MEIS2: variants seen among roughly 807,000 people sequenced by gnomAD.
MEIS2 encodes homeobox protein Meis2.
In MEIS2, 9 loss-of-function variants were observed where a neutral mutation model predicts 58.6. That is an observed-to-expected ratio of 0.15 (90% confidence interval 0.09 to 0.27). The LOEUF (loss-of-function observed/expected upper bound fraction) is 0.27, where lower values mean the gene tolerates loss of function less well. MEIS2 is among the 10% of genes least tolerant of loss of function. The pLI, the probability that MEIS2 is intolerant of heterozygous loss-of-function variation, is 1.00. For synonymous variants in MEIS2, 221 were observed against 228.4 expected (o/e 0.97, Z 0.29); for missense variants, 427 against 635.0 (o/e 0.67, Z 3.52).
intron 8 of MEIS2, among the ~76,000 whole-genome samples, chr15:36,995,276 C>T (rs1440909085): frequency 6.6e-6 from 1 of 152,186 alleles, no homozygotes; most frequent in Admixed American, 6.5e-5. Flanking sequence ...TAAACATTTT[C>T]ATGCATTCCC....
rs1429889725 is a variant in MEIS2, at chr15:37,093,737, C to G, written c.490-7G>C. 4 of 1,613,706 alleles carry G rather than the reference C, an allele frequency of 2.5e-6. No individual in the cohort carries two copies. Among genetic ancestry groups the G allele is most frequent in the Admixed American group, 1.7e-5 (1 of 60,008 alleles). ...TATCGCACAGTTCGTGGACCTAGAA[C>G]GAAGGTCATGGTGGAGGGTTTAGCT... is the stretch of plus-strand genomic sequence containing the variant. On this transcript the variant is annotated splice_polypyrimidine_tract_variant and splice_region_variant and intron_variant, in intron 5 of 11. Coordinates refer to ENST00000561208, the MANE Select transcript of MEIS2 (RefSeq NM_170675.5).
intron 9 of MEIS2, among the ~76,000 whole-genome samples, chr15:36,938,957 T>C (rs1332620043): frequency 6.6e-6 from 1 of 152,188 alleles, no homozygotes; most frequent in Admixed American, 6.5e-5. Context: ...CCGCTGCAGC[T>C]CTGTGGACAG....
intron 8 of MEIS2, among the ~76,000 whole-genome samples, chr15:36,995,979 A>ATG (rs1204930275): frequency 1.4e-4 from 11 of 79,696 alleles, no homozygotes; most frequent in East Asian, 1.5e-3. Flanking sequence ...ATATATATAT[A>ATG]TATATATATA....
intron 1 of MEIS2, chr15:37,098,929 T>A: frequency 1.0e-6 from 1 of 985,588 alleles, no homozygotes; most frequent in Non-Finnish European, 1.2e-6. Context: ...GCGGATTCCC[T>A]GCGTCCTTGT....
chr15:37,049,386 T>C (rs531603756), intron 7 of MEIS2, among the ~76,000 whole-genome samples: 3 of 152,332 alleles, frequency 2.0e-5, no homozygotes, highest in Non-Finnish European at 2.9e-5. Flanking sequence ...ACTTTGTGAA[T>C]ATATTAAAAC....
chr15:37,063,107 G>C (rs569892854), intron 7 of MEIS2, among the ~76,000 whole-genome samples: 1 of 152,332 alleles, frequency 6.6e-6, no homozygotes, highest in East Asian at 1.9e-4. Context: ...CCAGGCATAT[G>C]ATAGAAAATA....
chr15:36,936,524 A>C (rs1037947896), intron 9 of MEIS2, among the ~76,000 whole-genome samples: 1 of 152,194 alleles, frequency 6.6e-6, no homozygotes, highest in Non-Finnish European at 1.5e-5. Context: ...TTTCCTGAGC[A>C]CAGGCTTGTC....
chr15:36,985,199 C>T (rs941354977), intron 8 of MEIS2, among the ~76,000 whole-genome samples: 1 of 152,052 alleles, frequency 6.6e-6, no homozygotes, highest in Non-Finnish European at 1.5e-5. Context: ...CACTTTCCTT[C>T]TCCTTTTCTT....
intron 8 of MEIS2, among the ~76,000 whole-genome samples, chr15:36,967,009 G>A (rs976900027): frequency 2.6e-5 from 4 of 152,142 alleles, no homozygotes; most frequent in African/African-American, 9.7e-5. Flanking sequence ...TCATGTTAAA[G>A]GATGTAAGTA....
At chr15:37,080,059 C>T (rs1018039274) in intron 7 of MEIS2, among the ~76,000 whole-genome samples, 4 of 152,074 alleles carry the variant, frequency 2.6e-5, no homozygotes, top group South Asian at 4.1e-4. Flanking sequence ...CCCATTACAA[C>T]GATTTTACAG....
chr15:37,025,835 A>G (rs2061683890), intron 8 of MEIS2, among the ~76,000 whole-genome samples: 1 of 152,182 alleles, frequency 6.6e-6, no homozygotes, highest in African/African-American at 2.4e-5. Context: ...GCCTTTTCAC[A>G]CGATCATATT....
At chr15:37,023,688 G>T (rs1451686384) in intron 8 of MEIS2, among the ~76,000 whole-genome samples, 1 of 152,110 alleles carries the variant, frequency 6.6e-6, no homozygotes, top group Non-Finnish European at 1.5e-5. Context: ...ATGAGATGAT[G>T]TGGAGAGAGT....
intron 8 of MEIS2, among the ~76,000 whole-genome samples, chr15:37,004,316 T>A (rs954335423): frequency 1.3e-5 from 2 of 152,234 alleles, no homozygotes; most frequent in African/African-American, 4.8e-5. Flanking sequence ...AATTCTCTGC[T>A]AATAAGTGCT....
intron 8 of MEIS2, among the ~76,000 whole-genome samples, chr15:36,975,187 G>A (rs2059698875): frequency 1.3e-5 from 2 of 152,116 alleles, no homozygotes; most frequent in Non-Finnish European, 2.9e-5. Context: ...TATCTCCTCC[G>A]TGGAATAGCT....
chr15:36,912,582 G>A (rs1567042651), intron 9 of MEIS2, among the ~76,000 whole-genome samples: 1 of 152,126 alleles, frequency 6.6e-6, no homozygotes, highest in East Asian at 1.9e-4. Flanking sequence ...ACACCAGAAG[G>A]GATGGGCAAG....
intron 7 of MEIS2, among the ~76,000 whole-genome samples, chr15:37,047,928 T>G (rs2062742291): frequency 6.6e-6 from 1 of 152,222 alleles, no homozygotes; most frequent in African/African-American, 2.4e-5. Context: ...CTGTTTAAAT[T>G]TTTAATCATG....
chr15:36,930,360 A>G (rs1318159530), intron 9 of MEIS2, among the ~76,000 whole-genome samples: 1 of 151,950 alleles, frequency 6.6e-6, no homozygotes, highest in East Asian at 1.9e-4. Context: ...CCACCAAAGA[A>G]CTCCCAGTAA....
At chr15:36,970,383 G>T (rs561806625) in intron 8 of MEIS2, among the ~76,000 whole-genome samples, 1 of 147,418 alleles carries the variant, frequency 6.8e-6, no homozygotes, top group Non-Finnish European at 1.5e-5. Flanking sequence ...CAGCCTGGGC[G>T]ACAGAGCAAG....
At position 36,909,633 on chromosome 15, in the gene MEIS2, A is replaced by G. The variant is rs147325135; in HGVS notation, c.978-12947T>C. ...ACAAACAACTCAAGATACAGACTAGAGGTATTAGTTAAAGGTGCGAATCTA... is the reference window on the plus strand; with the variant it reads ...ACAAACAACTCAAGATACAGACTAGGGGTATTAGTTAAAGGTGCGAATCTA... On this transcript the variant is annotated intron_variant, in intron 9 of 11. Transcript: ENST00000561208. 8.0e-3 allele frequency among the ~76,000 whole-genome samples: 1,215 copies of G among 152,208 alleles called. 9 individuals are homozygous for G. The highest frequency in any genetic ancestry group is 0.013 in the Non-Finnish European group (916 of 68,018).
Sources: gnomAD v4.1 joint callset for allele counts (sites outside exome capture counted in the v4.1 genomes callset) on GRCh38, gnomAD v4.1.1 for gene constraint, MANE v1.5 for transcripts, NCBI Gene and HGNC (gene_info 2026-07-23, HGNC 2026-07-21) for gene names.